SPTBN2: variants seen among roughly 807,000 people sequenced by gnomAD.
The protein encoded by SPTBN2 is spectrin beta chain, non-erythrocytic 2.
In SPTBN2, 107 loss-of-function variants were observed where a neutral mutation model predicts 284.2. That is an observed-to-expected ratio of 0.38 (90% confidence interval 0.32 to 0.44). SPTBN2 has a LOEUF of 0.44. Ranked by LOEUF, SPTBN2 falls within the 20% of genes least tolerant of loss-of-function variation. SPTBN2 has a pLI of 1.00. For missense variants in SPTBN2, 2,569 were observed against 3,287.1 expected, an observed-to-expected ratio of 0.78 and a Z score of 5.34; for synonymous variants, 1,289 against 1,354.8, an observed-to-expected ratio of 0.95 and a Z score of 1.07.
At chr11:66,733,762 G>A (rs940417719), upstream of SPTBN2, among the ~76,000 whole-genome samples, 4 of 152,080 alleles carry the variant, frequency 2.6e-5, no homozygotes, top group Non-Finnish European at 5.9e-5. Flanking sequence ...TTTCAACAAG[G>A]TTGTCAATAA....
At chr11:66,717,562 T>G (rs1227443214) in intron 3 of SPTBN2, among the ~76,000 whole-genome samples, 1 of 152,182 alleles carries the variant, frequency 6.6e-6, no homozygotes, top group Non-Finnish European at 1.5e-5. Context: ...GACGGCCCCA[T>G]GCTCCCCAGC....
chr11:66,693,150 C>A lies in SPTBN2; in HGVS notation c.4854+36G>T. 9 of 1,614,236 alleles carry A rather than the reference C, an allele frequency of 5.6e-6. No homozygotes were observed. Among genetic ancestry groups the A allele is most frequent in the Non-Finnish European group, 7.6e-6 (9 of 1,180,044 alleles). Reference sequence around the variant, plus strand: ...AGCATCAGGTCAGGGGAGGGCAGAACTGGTCACATACACTGGGCTCTGTCC... The same window carrying A: ...AGCATCAGGTCAGGGGAGGGCAGAAATGGTCACATACACTGGGCTCTGTCC... On this transcript the variant is annotated intron_variant, in intron 24 of 37. Coordinates refer to ENST00000533211, the MANE Select transcript of SPTBN2 (RefSeq NM_006946.4). The surrounding 1 kb of genome is among the most constrained non-coding windows in gnomAD (Gnocchi z 5.7).
At chr11:66,737,740 C>T (rs1942863963) in intron 1 of SPTBN2, among the ~76,000 whole-genome samples, 1 of 152,100 alleles carries the variant, frequency 6.6e-6, no homozygotes, top group African/African-American at 2.4e-5. Context: ...GTTTCCCAAC[C>T]CTAAACACAC....
At chr11:66,721,975 C>T (rs936991496) in intron 1 of SPTBN2, among the ~76,000 whole-genome samples, 8 of 151,060 alleles carry the variant, frequency 5.3e-5, no homozygotes, top group Non-Finnish European at 7.4e-5. Context: ...TGAACCTGGG[C>T]GCACCTTAGA....
At position 66,682,506 on chromosome 11, in the gene SPTBN2, T is replaced by C. The variant is rs915892633; in HGVS notation, c.*3365A>G. 4.6e-5 allele frequency among the ~76,000 whole-genome samples: 7 copies of C among 152,264 alleles called. No homozygotes were observed. The highest frequency in any genetic ancestry group is 1.0e-4 in the Non-Finnish European group (7 of 68,050). On this transcript the variant is annotated 3_prime_UTR_variant, in exon 38 of 38. Transcript: ENST00000533211. The stretch of plus-strand genomic sequence containing the variant: ...TAAAAAGTCATCAAAATAGTTGAAA[T>C]TCACTTTAATGATACTTTTGAAACC...
rs373499749 is a variant in SPTBN2, at chr11:66,701,166, G to A, written c.2933C>T (p.Thr978Ile). 20 of 1,613,062 alleles carry A rather than the reference G, an allele frequency of 1.2e-5. No homozygotes were observed. Among genetic ancestry groups the A allele is most frequent in the Non-Finnish European group, 1.4e-5 (17 of 1,180,046 alleles). ...GCCCTGGGTGGACTCGATGACTTTG[G>A]TCTTCTCTCTCATCCAGGCCTGGGT... ...TETQAWMREK[T>I]KVIESTQGLG... The change falls in exon 17 of 38, where the codon ACC becomes ATC. Residue 978 changes from threonine to isoleucine, a missense_variant. Coordinates refer to ENST00000533211, the MANE Select transcript of SPTBN2 (RefSeq NM_006946.4).
chr11:66,688,301 C>A lies in SPTBN2; in HGVS notation c.6242G>T (p.Arg2081Leu). Reference protein sequence around the residue: ...ALEKLTALEEREKERKRKREE... With the variant: ...ALEKLTALEELEKERKRKREE... Reference sequence around the variant, plus strand: ...CCTCTTTCTCTTTCGCTCCTTCTCCCGCTCCTCTAGCTGTCAAAAAATGCT... The same window carrying A: ...CCTCTTTCTCTTTCGCTCCTTCTCCAGCTCCTCTAGCTGTCAAAAAATGCT... Residue 2081 changes from arginine to leucine, a missense_variant, in exon 32 of 38, where the codon CGG becomes CTG. Coordinates refer to ENST00000533211, the MANE Select transcript of SPTBN2 (RefSeq NM_006946.4). The A allele has an allele frequency of 6.3e-7, 1 of 1,594,896 alleles. No homozygotes were observed. The highest frequency in any genetic ancestry group is 2.3e-5 in the East Asian group (1 of 43,790).
Position 66,689,407 on chromosome 11 carries a change from G to A in SPTBN2, c.5950-227C>T, listed in dbSNP as rs1421837281. The A allele has an allele frequency of 1.4e-5, 8 of 558,666 alleles. No individual in the cohort carries two copies. In the East Asian group the frequency reaches 2.6e-4, roughly 18 times the overall value. The allele number at this position is 558,666 out of a possible 1,614,324, so 34.6% of individuals were successfully genotyped here. ...CTCCTGCCTCAGCCTCCGAGTAGCTGGGATTACAGGTGCCCGCCACCACGC... is the reference window on the plus strand; with the variant it reads ...CTCCTGCCTCAGCCTCCGAGTAGCTAGGATTACAGGTGCCCGCCACCACGC... On this transcript the variant is annotated intron_variant, in intron 29 of 37. Transcript: ENST00000533211.
chr11:66,742,632 C>CA (rs1364347897), intron 1 of SPTBN2, among the ~76,000 whole-genome samples: 1 of 150,554 alleles, frequency 6.6e-6, no homozygotes, highest in Non-Finnish European at 1.5e-5. Flanking sequence ...TTTTTTTAGA[C>CA]AGAGTCTCAC....
At position 66,690,294 on chromosome 11, in the gene SPTBN2, CCG is replaced by C. The variant is rs1453011447; in HGVS notation, c.5566-13_5566-12del. 6.3e-7 allele frequency: 1 copy of C among 1,599,944 alleles called. No homozygotes were observed. The highest frequency in any genetic ancestry group is 8.5e-7 in the Non-Finnish European group (1 of 1,174,994). On this transcript the variant is annotated splice_polypyrimidine_tract_variant and intron_variant, in intron 27 of 37. Coordinates refer to ENST00000533211, the MANE Select transcript of SPTBN2 (RefSeq NM_006946.4). ...CTGCACCTGCTGGACCTGCGGAGCC[CCG>C]GGTCAGAGTCAGGCAGAGCGGGGGA...
rs780850090 is a variant in SPTBN2 at position 66,714,348 on chromosome 11, G to A, written c.543C>T (p.Ala181=). The change falls in exon 6 of 38, where the codon GCC becomes GCT. Residue 181 remains alanine, a synonymous_variant. Transcript: ENST00000533211. The part of the protein sequence containing the change: ...DNKEKKSAKD[A]LLLWCQMKTA... ...TCTTCATCTGGCACCACAGAAGCAG[G>A]GCATCCTTGGCTGACTTCTTCTCCT... The A allele has an allele frequency of 1.2e-6, 2 of 1,613,976 alleles. No individual in the cohort carries two copies. The highest frequency in any genetic ancestry group is 1.7e-5 in the Admixed American group (1 of 60,010).
rs1270793681 is a variant in SPTBN2 at position 66,693,222 on chromosome 11, C to T, written c.4818G>A (p.Glu1606=). ...CCTGGCCCATCATGTGTAATTCCTG[C>T]TCGCCCATCCAGGCCTCCGCCTCGG... ...DAAEAEAWMG[E]QELHMMGQEK... Residue 1606 remains glutamate (E), a synonymous_variant, in exon 24 of 38, where the codon GAG becomes GAA. Transcript: ENST00000533211. This position sits in a 1 kb window ranked among gnomAD's most constrained non-coding sequence, Gnocchi z 5.7. 1 of 1,614,248 alleles carries T rather than the reference C, an allele frequency of 6.2e-7. No individual in the cohort carries two copies. Among genetic ancestry groups the T allele is most frequent in the Non-Finnish European group, 8.5e-7 (1 of 1,180,052 alleles).
rs753562212 is a variant in SPTBN2, at chr11:66,693,830, C to A, written c.4535G>T (p.Ser1512Ile). 2 of 1,613,874 alleles carry A rather than the reference C, an allele frequency of 1.2e-6. No homozygotes were observed. Among genetic ancestry groups the A allele is most frequent in the Non-Finnish European group, 1.7e-6 (2 of 1,179,944 alleles). ...LWVTERLPMA[S>I]SMEHGKDLPS... Reference sequence around the variant, plus strand: ...CAGGTCCTTGCCATGCTCCATGGAGCTGGCCATGGGCAGCCGCTCTGTCAC... The same window carrying A: ...CAGGTCCTTGCCATGCTCCATGGAGATGGCCATGGGCAGCCGCTCTGTCAC... Residue 1512 changes from serine (S) to isoleucine (I), a missense_variant, in exon 23 of 38, where the codon AGC (serine) becomes ATC (isoleucine). Transcript: ENST00000533211. This position sits in a 1 kb window ranked among gnomAD's most constrained non-coding sequence, Gnocchi z 5.7.
At position 66,714,344 on chromosome 11, in the gene SPTBN2, G is replaced by A. The variant is rs1942037567; in HGVS notation, c.547C>T (p.Leu183Phe). ...GCAGTCTTCATCTGGCACCACAGAA[G>A]CAGGGCATCCTTGGCTGACTTCTTC... is the stretch of plus-strand genomic sequence containing the variant. ...KEKKSAKDAL[L>F]LWCQMKTAGY... The change falls in exon 6 of 38, where the codon CTT (leucine) becomes TTT (phenylalanine). Residue 183 changes from leucine (L) to phenylalanine (F), a missense_variant. Coordinates refer to ENST00000533211, the MANE Select transcript of SPTBN2 (RefSeq NM_006946.4). 2 of 1,614,042 alleles carry A rather than the reference G, an allele frequency of 1.2e-6. No homozygotes were observed. Among genetic ancestry groups the A allele is most frequent in the Non-Finnish European group, 1.7e-6 (2 of 1,179,990 alleles).
chr11:66,717,832 C>T (rs1360036486), intron 3 of SPTBN2, among the ~76,000 whole-genome samples: 1 of 152,226 alleles, frequency 6.6e-6, no homozygotes, highest in Non-Finnish European at 1.5e-5. Context: ...CTTACACACA[C>T]ACACACAACA....
intron 37 of SPTBN2, 27 bp downstream of exon 37, chr11:66,686,371 C>G: frequency 1.9e-6 from 3 of 1,614,018 alleles, no homozygotes; most frequent in Non-Finnish European, 2.5e-6. Flanking sequence ...ATGGCACGGA[C>G]AGAGAGGAAC....
chr11:66,689,060 C>T (rs757904398), intron 30 of SPTBN2, 36 bp downstream of exon 30: 54 of 1,579,546 alleles, frequency 3.4e-5, no homozygotes, highest in Non-Finnish European at 4.6e-5. Flanking sequence ...ATGCCCCCCA[C>T]TCCCCACAGG....
Position 66,693,767 on chromosome 11 carries a change from C to G in SPTBN2, c.4593+5G>C. On this transcript the variant is annotated splice_donor_5th_base_variant and intron_variant, in intron 23 of 37. Transcript: ENST00000533211. The surrounding 1 kb of genome is among the most constrained non-coding windows in gnomAD (Gnocchi z 5.7). Reference sequence around the variant, plus strand: ...CTTCTCTTTTGCCTTCAGCCTCTGCCTCACCTGGTTTTTCTTCATGAGAAG... The same window carrying G: ...CTTCTCTTTTGCCTTCAGCCTCTGCGTCACCTGGTTTTTCTTCATGAGAAG... 6.2e-7 allele frequency: 1 copy of G among 1,611,650 alleles called. No homozygotes were observed. Among genetic ancestry groups the G allele is most frequent in the Non-Finnish European group, 8.5e-7 (1 of 1,179,050 alleles).
intron 15 of SPTBN2, among the ~76,000 whole-genome samples, chr11:66,703,792 T>TA (rs944066140): frequency 1.3e-5 from 2 of 152,060 alleles, no homozygotes; most frequent in African/African-American, 2.4e-5. Context: ...TGTGGTTCTA[T>TA]AAAAAAATTT....
Sources: allele counts gnomAD v4.1 joint callset (sites outside exome capture counted in the v4.1 genomes callset), GRCh38; gene constraint gnomAD v4.1.1; non-coding constraint Gnocchi (gnomAD v3.1); transcripts MANE v1.5; gene names NCBI Gene and HGNC (gene_info 2026-07-23, HGNC 2026-07-21).